Variants in CDH9 observed in about 807,000 individuals in gnomAD.
CDH9 encodes the protein cadherin 9.
A neutral mutation model predicts 70.9 loss-of-function variants in CDH9; 28 were observed. The observed-to-expected ratio is 0.40, with a 90% CI of 0.29 to 0.54. The LOEUF (loss-of-function observed/expected upper bound fraction) is 0.54, where lower values mean the gene tolerates loss of function less well. Among genes scored for constraint, CDH9 ranks in the 20% least tolerant of loss-of-function variants. The pLI, the probability that CDH9 is intolerant of heterozygous loss-of-function variation, is 0.59. For missense variants in CDH9, 874 were observed against 984.4 expected (o/e 0.89, Z 1.50); for synonymous variants, 409 against 343.1 (o/e 1.19, Z -2.12).
chr5:27,016,546 T>A (rs1336816767), intron 1 of CDH9, among the ~76,000 whole-genome samples: 1 of 151,882 alleles, frequency 6.6e-6, no homozygotes, highest in Non-Finnish European at 1.5e-5. Context: ...TTTCCAAATA[T>A]TGCATTTCAG....
chr5:27,002,055 G>T (rs922166431), intron 1 of CDH9, among the ~76,000 whole-genome samples: 1 of 151,936 alleles, frequency 6.6e-6, no homozygotes, highest in Non-Finnish European at 1.5e-5. Context: ...AATCTACAAA[G>T]AACTCAGACA....
intron 2 of CDH9, among the ~76,000 whole-genome samples, chr5:26,925,557 G>T (rs983071192): frequency 7.9e-5 from 12 of 152,062 alleles, no homozygotes; most frequent in African/African-American, 2.7e-4. Context: ...AGTTTAATTA[G>T]ATCCCATTTG....
intron 2 of CDH9, among the ~76,000 whole-genome samples, chr5:26,941,036 G>C (rs906717420): frequency 2.0e-5 from 3 of 152,210 alleles, no homozygotes; most frequent in Admixed American, 6.5e-5. Context: ...CACTGAATGA[G>C]AAAATGAATG....
chr5:26,925,847 G>A (rs1741327258), intron 2 of CDH9, among the ~76,000 whole-genome samples: 2 of 151,932 alleles, frequency 1.3e-5, no homozygotes, highest in African/African-American at 2.4e-5. Flanking sequence ...TTTGTCACAT[G>A]ATTATCTCAA....
chr5:27,003,695 G>A (rs1455061700), intron 1 of CDH9, among the ~76,000 whole-genome samples: 1 of 151,928 alleles, frequency 6.6e-6, no homozygotes, highest in Non-Finnish European at 1.5e-5. Flanking sequence ...CACTGCCAAA[G>A]TCATCAAAAA....
At chr5:26,970,629 CA>C (rs1742202923) in intron 2 of CDH9, among the ~76,000 whole-genome samples, 1 of 151,996 alleles carries the variant, frequency 6.6e-6, no homozygotes, top group African/African-American at 2.4e-5. Flanking sequence ...GCAACAACTC[CA>C]AAGAAGTTTG....
At chr5:26,925,430 T>C (rs1029710192) in intron 2 of CDH9, among the ~76,000 whole-genome samples, 2 of 152,156 alleles carry the variant, frequency 1.3e-5, no homozygotes, top group Non-Finnish European at 1.5e-5. Context: ...TTTAAGTTCT[T>C]TGTAGATTCT....
At chr5:26,933,399 A>G (rs1741498655) in intron 2 of CDH9, among the ~76,000 whole-genome samples, 1 of 152,018 alleles carries the variant, frequency 6.6e-6, no homozygotes, top group Non-Finnish European at 1.5e-5. Flanking sequence ...AATGAAATCG[A>G]CAATGAGAGA....
chr5:27,007,935 G>C (rs1284997665), intron 1 of CDH9, among the ~76,000 whole-genome samples: 2 of 151,688 alleles, frequency 1.3e-5, no homozygotes, highest in Non-Finnish European at 2.9e-5. Flanking sequence ...TAAATTTATG[G>C]GCTCCATGTT....
At chr5:26,959,308 C>A (rs771194602) in intron 2 of CDH9, among the ~76,000 whole-genome samples, 8 of 151,990 alleles carry the variant, frequency 5.3e-5, no homozygotes, top group Admixed American at 2.0e-4. Flanking sequence ...AATTGAGATA[C>A]CACTCCACAG....
At chr5:26,984,418 G>A (rs141773061) in intron 2 of CDH9, among the ~76,000 whole-genome samples, 1 of 152,204 alleles carries the variant, frequency 6.6e-6, no homozygotes, top group East Asian at 1.9e-4. Flanking sequence ...TACTATGTCT[G>A]CTGTGTCTGG....
At chr5:26,916,778 A>C (rs1741157305) in intron 2 of CDH9, among the ~76,000 whole-genome samples, 1 of 151,908 alleles carries the variant, frequency 6.6e-6, no homozygotes, top group African/African-American at 2.4e-5. Context: ...AGAGATTTGT[A>C]ATTACTTATT....
intron 9 of CDH9, among the ~76,000 whole-genome samples, chr5:26,888,807 C>T (rs1740606561): frequency 6.6e-6 from 1 of 152,142 alleles, no homozygotes; most frequent in African/African-American, 2.4e-5. Context: ...TAGCTACCTT[C>T]TCCCTGAGTG....
In CDH9 at chr5:26,988,722, T is replaced by C. The variant is rs115315996; in HGVS notation, c.-49-340A>G. ...TATTATCACAGCAAATGTTCCATAG[T>C]CCTTAAGACTAATAAAAGTAGAATA... On this transcript the variant is annotated intron_variant, in intron 1 of 11. Coordinates refer to ENST00000231021, the MANE Select transcript of CDH9 (RefSeq NM_016279.4). Among the ~76,000 whole-genome samples, 1,447 of 152,150 alleles carry C rather than the reference T, an allele frequency of 9.5e-3. 26 individuals are homozygous for C. The highest frequency in any genetic ancestry group is 0.033 in the African/African-American group (1,370 of 41,554).
intron 1 of CDH9, among the ~76,000 whole-genome samples, chr5:27,009,207 T>G (rs1742916296): frequency 6.6e-6 from 1 of 152,094 alleles, no homozygotes; most frequent in African/African-American, 2.4e-5. Flanking sequence ...ATCCAGTTTG[T>G]GTTTGGGTTG....
chr5:26,905,894 A>G (rs962117788), intron 5 of CDH9, 65 bp downstream of exon 5: 148 of 1,221,968 alleles, frequency 1.2e-4, no homozygotes, highest in Non-Finnish European at 1.7e-4. Context: ...AAATGTGAAT[A>G]TTAAACTCGG....
chr5:26,911,904 C>G (rs1477068278), intron 3 of CDH9, among the ~76,000 whole-genome samples: 1 of 151,818 alleles, frequency 6.6e-6, no homozygotes, highest in Non-Finnish European at 1.5e-5. Context: ...ATGATTGTGA[C>G]AGACAGAAAC....
At chr5:26,910,982 C>T (rs548182736) in intron 3 of CDH9, among the ~76,000 whole-genome samples, 51 of 152,214 alleles carry the variant, frequency 3.4e-4, no homozygotes, top group Middle Eastern at 6.8e-3. Flanking sequence ...TCCATTAATT[C>T]GATGTCCAGG....
At chr5:26,901,711 A>G (rs1740857300) in intron 7 of CDH9, among the ~76,000 whole-genome samples, 1 of 151,772 alleles carries the variant, frequency 6.6e-6, no homozygotes, top group Non-Finnish European at 1.5e-5. Flanking sequence ...TATTCATCCC[A>G]TGCATTAATC....
Sources: gnomAD v4.1 joint callset for allele counts (sites outside exome capture counted in the v4.1 genomes callset) on GRCh38, gnomAD v4.1.1 for gene constraint, MANE v1.5 for transcripts, NCBI Gene and HGNC (gene_info 2026-07-23, HGNC 2026-07-21) for gene names.